The following PLEKHG5 variants were observed in gnomAD, a reference collection of about 807,000 sequenced individuals.
PLEKHG5 encodes pleckstrin homology and RhoGEF domain containing G5, also known as pleckstrin homology domain-containing family G member 5.
A neutral mutation model predicts 103.8 loss-of-function variants in PLEKHG5; 52 were observed. The observed-to-expected ratio is 0.50, with a 90% CI of 0.40 to 0.63. The LOEUF (loss-of-function observed/expected upper bound fraction) is 0.63. Among genes scored for constraint, PLEKHG5 ranks in the 30% least tolerant of loss-of-function variants. The probability of loss-of-function intolerance (pLI) is 0.00; values close to 1 mark genes in which losing one functional copy is unlikely to be tolerated. For missense variants in PLEKHG5, 1,205 were observed against 1,347.6 expected, an observed-to-expected ratio of 0.89 and a Z score of 1.66; for synonymous variants, 592 against 575.5, an observed-to-expected ratio of 1.03 and a Z score of -0.41.
Position 6,476,014 on chromosome 1 carries a change from C to T in PLEKHG5, c.66G>A (p.Val22=). 1 of 1,613,546 alleles carries T rather than the reference C, an allele frequency of 6.2e-7. No individual in the cohort carries two copies. Among genetic ancestry groups the T allele is most frequent in the Non-Finnish European group, 8.5e-7 (1 of 1,180,022 alleles). The stretch of plus-strand genomic sequence containing the variant: ...TGCGCGGCGGGCATGACCGGGTGGA[C>T]ACGTTCCGGGCCAGCACAGAGCCTT... ...PPQGSVLARN[V]STRSCPPRTS... Residue 22 remains valine (V), a synonymous_variant, in exon 3 of 21, where the codon GTG becomes GTA. Transcript: ENST00000377728.
At chr1:6,481,107 A>G (rs1457624315) in intron 1 of PLEKHG5, among the ~76,000 whole-genome samples, 1 of 152,148 alleles carries the variant, frequency 6.6e-6, no homozygotes, top group Non-Finnish European at 1.5e-5. Context: ...AATGGCCTCA[A>G]AACTGGCCTC....
chr1:6,481,589 C>T (rs1056001149), intron 1 of PLEKHG5, among the ~76,000 whole-genome samples: 1 of 147,188 alleles, frequency 6.8e-6, no homozygotes, highest in African/African-American at 2.5e-5. Context: ...AAAGGCCAGG[C>T]GCGGTGGCTC....
At chr1:6,497,253 A>G, upstream of PLEKHG5, 1 of 879,224 alleles carries the variant, frequency 1.1e-6, no homozygotes, top group South Asian at 1.4e-5. The surrounding 1 kb of genome is among the most constrained non-coding windows in gnomAD (Gnocchi z 6.1). Flanking sequence ...TCCCCGGAGG[A>G]GGTTAGGAGC....
intron 2 of PLEKHG5, among the ~76,000 whole-genome samples, chr1:6,477,287 G>A (rs909962928): frequency 1.3e-5 from 2 of 152,246 alleles, no homozygotes; most frequent in South Asian, 4.1e-4. Flanking sequence ...AAAGCAGCTG[G>A]GGGAGGTGAG....
intron 1 of PLEKHG5, among the ~76,000 whole-genome samples, chr1:6,514,025 G>A (rs1052211369): frequency 1.9e-4 from 29 of 152,156 alleles, no homozygotes; most frequent in Admixed American, 1.7e-3. Context: ...TTTACATCTC[G>A]AGAAGCATAA....
In PLEKHG5 at chr1:6,470,590, C is replaced by A; in HGVS notation, c.1596G>T (p.Arg532=). ...CGGCCGCCAGCCGCTGCCGCTCCTG[C>A]CGCTGCCGCATGCACGCGTTCACGT... ...IHHVNACMRQ[R]QERQRLAAVV... is the part of the protein sequence containing the mutation. The change falls in exon 15 of 21, where the codon CGG becomes CGT. Residue 532 remains arginine, a synonymous_variant. Coordinates refer to ENST00000377728, the MANE Select transcript of PLEKHG5 (RefSeq NM_020631.6). 6.2e-7 allele frequency: 1 copy of A among 1,603,084 alleles called. No homozygotes were observed. Among genetic ancestry groups the A allele is most frequent in the South Asian group, 1.1e-5 (1 of 90,802 alleles).
chr1:6,495,572 G>C (rs1044821211), upstream of PLEKHG5, among the ~76,000 whole-genome samples: 62 of 152,202 alleles, frequency 4.1e-4, 2 homozygotes, highest in African/African-American at 1.5e-3. Context: ...GTCCCTGAGT[G>C]AGCCTCAGTT....
chr1:6,479,568 G>A (rs886285180), intron 1 of PLEKHG5, among the ~76,000 whole-genome samples: 3 of 151,572 alleles, frequency 2.0e-5, no homozygotes, highest in Admixed American at 6.6e-5. Flanking sequence ...TTACACGCGT[G>A]AGCCACCGTG....
At chr1:6,482,720 GT>G (rs1055447280) in intron 1 of PLEKHG5, among the ~76,000 whole-genome samples, 1 of 152,076 alleles carries the variant, frequency 6.6e-6, no homozygotes, top group African/African-American at 2.4e-5. Flanking sequence ...ATTTATTTAT[GT>G]TTTTTGCGAT....
intron 7 of PLEKHG5, 146 bp downstream of exon 7, chr1:6,473,867 C>T (rs1263205617): frequency 1.7e-5 from 14 of 826,608 alleles, no homozygotes; most frequent in Non-Finnish European, 2.2e-5. Flanking sequence ...CCCTACTCTC[C>T]CAGCCAACCC....
intron 1 of PLEKHG5, among the ~76,000 whole-genome samples, chr1:6,507,027 C>T (rs949452749): frequency 1.3e-5 from 2 of 152,166 alleles, no homozygotes; most frequent in African/African-American, 4.8e-5. Flanking sequence ...ACAGAAAGAA[C>T]CATGAGAAGA....
At chr1:6,493,445 C>G (rs900909434), upstream of PLEKHG5, among the ~76,000 whole-genome samples, 1 of 152,178 alleles carries the variant, frequency 6.6e-6, no homozygotes, top group African/African-American at 2.4e-5. Context: ...ATCAGACAAG[C>G]CTCACGCAGG....
At position 6,486,638 on chromosome 1, in the gene PLEKHG5, A is replaced by G. The variant is rs1177813105; in HGVS notation, c.-88+4999T>C. On this transcript the variant is annotated intron_variant, in intron 1 of 20. Transcript: ENST00000377728. The surrounding 1 kb of genome is among the most constrained non-coding windows in gnomAD (Gnocchi z 5.3). Reference sequence around the variant, plus strand: ...CCCTGCAGTTCTAGGCCAGGTCCCCACCGCCAGGGGGCACTCAGCAAAGCC... The same window carrying G: ...CCCTGCAGTTCTAGGCCAGGTCCCCGCCGCCAGGGGGCACTCAGCAAAGCC... Among the ~76,000 whole-genome samples the G allele has an allele frequency of 6.6e-6, 1 of 152,152 alleles. No individual in the cohort carries two copies. The highest frequency in any genetic ancestry group is 6.5e-5 in the Admixed American group (1 of 15,286).
At position 6,471,089 on chromosome 1, in the gene PLEKHG5, G is replaced by C. The variant is rs758869678; in HGVS notation, c.1293C>G (p.Leu431=). The C allele has an allele frequency of 1.3e-6, 2 of 1,584,666 alleles. No individual in the cohort carries two copies. The highest frequency in any genetic ancestry group is 2.3e-5 in the South Asian group (2 of 86,812). ...FLKGFKMFGS[L]FKPYIRYCME... is the part of the protein sequence containing the mutation. ...TGCAGTAGCGGATGTAGGGCTTGAA[G>C]AGCGAGCCGAACTGGCCCGGGGCAG... Residue 431 remains leucine (L), a synonymous_variant, in exon 13 of 21, where the codon CTC becomes CTG. Coordinates refer to ENST00000377728, the MANE Select transcript of PLEKHG5 (RefSeq NM_020631.6).
intron 1 of PLEKHG5, among the ~76,000 whole-genome samples, chr1:6,508,686 A>G (rs1235913979): frequency 6.6e-6 from 1 of 152,246 alleles, no homozygotes; most frequent in Non-Finnish European, 1.5e-5. Flanking sequence ...CTTCAGGGAC[A>G]GCTGTCTGTC....
rs1553178325 is a variant in PLEKHG5 at position 6,490,175 on chromosome 1, C to A, written c.-88+1462G>T. Among the ~76,000 whole-genome samples, 1 of 152,174 alleles carries A rather than the reference C, an allele frequency of 6.6e-6. No individual in the cohort carries two copies. The highest frequency in any genetic ancestry group is 2.1e-4 in the South Asian group (1 of 4,832). ...CCAGGATCCCCCTGCCCCGCCAATA[C>A]CCCCCATACCGGGGCCAGGGTCCCA... is the stretch of plus-strand genomic sequence containing the variant. On this transcript the variant is annotated intron_variant, in intron 1 of 20. Transcript: ENST00000377728. This position sits in a 1 kb window ranked among gnomAD's most constrained non-coding sequence, Gnocchi z 8.0.
chr1:6,518,625 G>T (rs4339891), intron 1 of PLEKHG5, among the ~76,000 whole-genome samples: 148,033 of 151,830 alleles, frequency 0.97, 72,276 homozygotes, highest in Non-Finnish European at 1. Flanking sequence ...GAATTTCCTG[G>T]CCCTTCCCGA....
At chr1:6,469,308 C>G in intron 18 of PLEKHG5, 27 bp downstream of exon 18, 1 of 1,612,446 alleles carries the variant, frequency 6.2e-7, no homozygotes, top group South Asian at 1.1e-5. Context: ...ATCTGCCTTG[C>G]CCACCCACTC....
At chr1:6,489,197 A>G (rs1645098350) in intron 1 of PLEKHG5, among the ~76,000 whole-genome samples, 10 of 152,124 alleles carry the variant, frequency 6.6e-5, no homozygotes, top group Admixed American at 6.5e-4. Flanking sequence ...GCCCCACCCA[A>G]CACCTTAGAA....
Sources: allele counts gnomAD v4.1 joint callset (sites outside exome capture counted in the v4.1 genomes callset), GRCh38; gene constraint gnomAD v4.1.1; non-coding constraint Gnocchi (gnomAD v3.1); transcripts MANE v1.5; gene names NCBI Gene and HGNC (gene_info 2026-07-23, HGNC 2026-07-21).